Variants in SGTB observed in about 807,000 individuals in gnomAD.
SGTB encodes the protein small glutamine rich tetratricopeptide repeat co-chaperone beta.
In SGTB, 19 loss-of-function variants were observed where a neutral mutation model predicts 43.9. The observed-to-expected ratio is 0.43, with a 90% CI of 0.30 to 0.63. The LOEUF (loss-of-function observed/expected upper bound fraction) is 0.63. Among genes scored for constraint, SGTB ranks in the 30% least tolerant of loss-of-function variants. The pLI, the probability that SGTB is intolerant of heterozygous loss-of-function variation, is 0.12. For synonymous variants in SGTB, 116 were observed against 117.3 expected, an observed-to-expected ratio of 0.99 and a Z score of 0.07; for missense variants, 304 against 358.9, an observed-to-expected ratio of 0.85 and a Z score of 1.24.
chr5:65,722,180 G>GGGCAC (rs1758315089), upstream of SGTB: 1 of 268,482 alleles, frequency 3.7e-6, no homozygotes, highest in African/African-American at 2.3e-5. Context: ...AGCTGGGGCG[G>GGGCAC]GGCACGGCGC....
At chr5:65,716,644 C>T (rs1758157918) in intron 2 of SGTB, among the ~76,000 whole-genome samples, 1 of 152,112 alleles carries the variant, frequency 6.6e-6, no homozygotes, top group Admixed American at 6.5e-5. Flanking sequence ...CTGACATAAA[C>T]AGAGATTGGG....
chr5:65,687,460 A>T (rs1400410661), intron 5 of SGTB, among the ~76,000 whole-genome samples: 1 of 152,260 alleles, frequency 6.6e-6, no homozygotes, highest in Admixed American at 6.5e-5. Context: ...GGAGATTTCA[A>T]GAAAACTCAT....
chr5:65,722,552 A>C, upstream of SGTB: 2 of 788,424 alleles, frequency 2.5e-6, no homozygotes, highest in African/African-American at 1.8e-5. Flanking sequence ...GCGGCTTGCA[A>C]GGTGGACCCC....
intron 8 of SGTB, among the ~76,000 whole-genome samples, chr5:65,675,114 TG>T (rs2150703445): frequency 6.6e-6 from 1 of 152,338 alleles, no homozygotes; most frequent in Admixed American, 6.5e-5. Flanking sequence ...TGATATGCCC[TG>T]GTAACATCCT....
intron 6 of SGTB, among the ~76,000 whole-genome samples, chr5:65,684,098 T>C (rs556011316): frequency 4.8e-4 from 73 of 152,120 alleles, no homozygotes; most frequent in African/African-American, 1.7e-3. Flanking sequence ...TTTTTTCTTT[T>C]TTTTGAGACA....
At chr5:65,675,978 A>G (rs1757257665) in intron 8 of SGTB, among the ~76,000 whole-genome samples, 1 of 152,230 alleles carries the variant, frequency 6.6e-6, no homozygotes, top group African/African-American at 2.4e-5. Flanking sequence ...GATCAAATTT[A>G]CACATAACAA....
chr5:65,683,247 T>C (rs1324572863), intron 6 of SGTB, among the ~76,000 whole-genome samples: 1 of 152,008 alleles, frequency 6.6e-6, no homozygotes, highest in Non-Finnish European at 1.5e-5. Flanking sequence ...AATAGACTGT[T>C]TCAGCATGAG....
At chr5:65,721,012 T>G (rs188522916) in intron 1 of SGTB, among the ~76,000 whole-genome samples, 183 bp from the exon 2 acceptor site, 28 of 152,352 alleles carry the variant, frequency 1.8e-4, no homozygotes, top group African/African-American at 6.7e-4. Flanking sequence ...ATTGTGAAGG[T>G]AATTTATTAC....
At chr5:65,694,350 T>C (rs1757676186) in intron 5 of SGTB, among the ~76,000 whole-genome samples, 1 of 151,956 alleles carries the variant, frequency 6.6e-6, no homozygotes, top group Admixed American at 6.6e-5. Context: ...AAGAATTGCC[T>C]GAACCTGGGA....
At chr5:65,715,466 C>A (rs1257620923) in intron 2 of SGTB, among the ~76,000 whole-genome samples, 2 of 152,194 alleles carry the variant, frequency 1.3e-5, no homozygotes, top group Admixed American at 6.5e-5. Flanking sequence ...ATATTGGCTG[C>A]AAGGAAGGCA....
At chr5:65,673,954 G>A (rs1306883217) in intron 8 of SGTB, among the ~76,000 whole-genome samples, 1 of 152,068 alleles carries the variant, frequency 6.6e-6, no homozygotes. Context: ...GCACACCAAG[G>A]CCTATAGTGC....
intron 1 of SGTB, among the ~76,000 whole-genome samples, 169 bp downstream of exon 1, chr5:65,721,746 AAT>A (rs2150727763): frequency 6.6e-6 from 1 of 152,300 alleles, no homozygotes; most frequent in Admixed American, 6.5e-5. Context: ...AGAAGAGGGA[AAT>A]AGGCTTCTCC....
rs1462829113 is a variant in SGTB at position 65,685,471 on chromosome 5, C to T, written c.376G>A (p.Ala126Thr). Residue 126 changes from alanine to threonine, a missense_variant and splice_region_variant, in exon 6 of 11, where the codon GCT becomes ACT. By Grantham distance (58) the Ala-to-Thr change is moderately conservative (BLOSUM62 0). Coordinates refer to ENST00000381007, the MANE Select transcript of SGTB (RefSeq NM_019072.3). ...TGACCTAATTTGCTCTGAGCAGCAGCCCTAAGAGAAAGAAAACAGAATTTT... is the reference window on the plus strand; with the variant it reads ...TGACCTAATTTGCTCTGAGCAGCAGTCCTAAGAGAAAGAAAACAGAATTTT... ...PNNAVYYCNR[A>T]AAQSKLGHYT... is the part of the protein sequence containing the mutation. 6.2e-7 allele frequency: 1 copy of T among 1,612,950 alleles called. No individual in the cohort carries two copies. Among genetic ancestry groups the T allele is most frequent in the South Asian group, 1.1e-5 (1 of 90,876 alleles).
At chr5:65,706,253 T>G (rs1167176881) in intron 4 of SGTB, among the ~76,000 whole-genome samples, 2 of 152,154 alleles carry the variant, frequency 1.3e-5, no homozygotes, top group African/African-American at 2.4e-5. Context: ...GTTAACATTG[T>G]TTTTTATGAA....
At chr5:65,685,302 C>T (rs958516521) in intron 6 of SGTB, 66 bp downstream of exon 6, 1 of 1,401,466 alleles carries the variant, frequency 7.1e-7, no homozygotes, top group African/African-American at 1.4e-5. Context: ...AATTCAAAAC[C>T]AAGCCATTAA....
chr5:65,722,477 C>T (rs1579896492), upstream of SGTB: 2 of 1,438,204 alleles, frequency 1.4e-6, no homozygotes, highest in Non-Finnish European at 9.5e-7. Flanking sequence ...CCGTGTGGTG[C>T]CTGGAGCCCG....
In SGTB at chr5:65,670,216, T is replaced by C. The variant is rs187447334; in HGVS notation, c.*30A>G. On this transcript the variant is annotated 3_prime_UTR_variant, in exon 11 of 11. Transcript: ENST00000381007. ...TACTTCATTCATAGCCATAAACCAT[T>C]TGTATCTTGGGCTTGAGCCCCTGGT... 6.2e-4 allele frequency: 995 copies of C among 1,597,634 alleles called. No homozygotes were observed. The highest frequency in any genetic ancestry group is 1.1e-3 in the Admixed American group (66 of 59,922).
intron 4 of SGTB, among the ~76,000 whole-genome samples, chr5:65,707,435 C>CACACAT (rs1285224243): frequency 2.1e-5 from 3 of 141,098 alleles, no homozygotes; most frequent in East Asian, 4.3e-4. Flanking sequence ...CACACACACA[C>CACACAT]ATATATTTTT....
At chr5:65,707,520 C>A (rs753685615) in intron 4 of SGTB, among the ~76,000 whole-genome samples, 1 of 151,316 alleles carries the variant, frequency 6.6e-6, no homozygotes, top group Non-Finnish European at 1.5e-5. Flanking sequence ...CTGCAACCTC[C>A]GCCTGCCGGG....
Sources: allele counts gnomAD v4.1 joint callset (sites outside exome capture counted in the v4.1 genomes callset), GRCh38; gene constraint gnomAD v4.1.1; transcripts MANE v1.5; gene names NCBI Gene and HGNC (gene_info 2026-07-23, HGNC 2026-07-21).